Variants in SUMF1 observed in about 807,000 individuals in gnomAD.
SUMF1 encodes the protein formylglycine-generating enzyme.
Under a neutral mutation model 47.6 loss-of-function variants are expected in SUMF1, and 48 were observed. The ratio of observed to expected loss-of-function variants is 1.01; its 90% CI spans 0.80 to 1.28. The LOEUF is 1.28. Ranked by LOEUF, SUMF1 falls within the 50% of genes most tolerant of loss-of-function variation. The probability of loss-of-function intolerance (pLI) is 0.00; values close to 1 mark genes in which losing one functional copy is unlikely to be tolerated. For missense variants in SUMF1, 571 were observed against 485.4 expected (o/e 1.18, Z -1.66); for synonymous variants, 230 against 192.1 (o/e 1.20, Z -1.63).
rs369605106 is a variant in SUMF1, at chr3:4,226,514, C to G, written c.1014+149816G>C. On this transcript the variant is annotated intron_variant and NMD_transcript_variant, in intron 8 of 12. Transcript: ENST00000448413. ...CGATCCCTTGACCTCATGATTTGCC[C>G]ACCTCGGCCTACCAAAGTGCTGGGA... Among the ~76,000 whole-genome samples, 33 of 152,020 alleles carry G rather than the reference C, an allele frequency of 2.2e-4. No individual in the cohort carries two copies. The South Asian group carries it at 6.9e-3, about 32-fold the overall frequency.
chr3:4,369,055 TTTTTTTTA>T (rs1559251397), intron 8 of SUMF1, among the ~76,000 whole-genome samples: 1 of 151,098 alleles, frequency 6.6e-6, no homozygotes. Flanking sequence ...AGGTTTTTTT[TTTTTTTTA>T]AATTATTCTC....
At chr3:4,331,586 G>C (rs1699052543) in intron 8 of SUMF1, among the ~76,000 whole-genome samples, 1 of 152,318 alleles carries the variant, frequency 6.6e-6, no homozygotes, top group East Asian at 1.9e-4. Flanking sequence ...CCAGTAGTTT[G>C]GGAGGCTGAA....
intron 8 of SUMF1, among the ~76,000 whole-genome samples, chr3:4,335,279 A>C (rs1483599409): frequency 1.3e-5 from 2 of 152,148 alleles, no homozygotes; most frequent in Non-Finnish European, 2.9e-5. Context: ...TGATGCCCAA[A>C]CTTAACAAGA....
At chr3:4,102,658 T>C (rs996708327) in intron 8 of SUMF1, among the ~76,000 whole-genome samples, 1 of 152,144 alleles carries the variant, frequency 6.6e-6, no homozygotes, top group African/African-American at 2.4e-5. Context: ...TAGTATTATA[T>C]ATGGAATAAT....
chr3:4,176,414 CAG>C (rs1237700069), intron 8 of SUMF1, among the ~76,000 whole-genome samples: 1 of 152,152 alleles, frequency 6.6e-6, no homozygotes, highest in Non-Finnish European at 1.5e-5. Flanking sequence ...ATTTCCAAAA[CAG>C]AATTTCATAT....
intron 8 of SUMF1, among the ~76,000 whole-genome samples, chr3:4,128,521 C>T (rs1574907904): frequency 6.6e-6 from 1 of 152,098 alleles, no homozygotes; most frequent in Non-Finnish European, 1.5e-5. Flanking sequence ...GTGTTGGCCT[C>T]CCCTGAGGCA....
intron 8 of SUMF1, among the ~76,000 whole-genome samples, chr3:4,234,273 A>T (rs536777736): frequency 1.1e-4 from 16 of 151,884 alleles, no homozygotes; most frequent in Non-Finnish European, 2.2e-4. Flanking sequence ...ATTTTATAGA[A>T]ATAAATTCGC....
intron 8 of SUMF1, among the ~76,000 whole-genome samples, chr3:4,256,029 A>G (rs1559620801): frequency 2.7e-5 from 4 of 150,894 alleles, no homozygotes; most frequent in East Asian, 3.9e-4. Context: ...GGTACATAAT[A>G]AAATGAAGGC....
chr3:4,227,886 A>G (rs1003181750), intron 8 of SUMF1, among the ~76,000 whole-genome samples: 10 of 152,166 alleles, frequency 6.6e-5, no homozygotes, highest in Admixed American at 3.9e-4. Context: ...ATTGCAAATA[A>G]TCATTATGAA....
chr3:4,357,410 G>T (rs915587606), downstream of SUMF1, among the ~76,000 whole-genome samples: 6 of 151,372 alleles, frequency 4.0e-5, no homozygotes, highest in African/African-American at 1.2e-4. Flanking sequence ...GATCTATTTG[G>T]AAAAGGTGAT....
chr3:4,148,635 G>C (rs959881419), intron 8 of SUMF1, among the ~76,000 whole-genome samples: 2 of 152,110 alleles, frequency 1.3e-5, no homozygotes, highest in Non-Finnish European at 2.9e-5. Context: ...ACTCATCTCT[G>C]ACATTGTAGT....
intron 9 of SUMF1, among the ~76,000 whole-genome samples, chr3:4,043,469 C>T (rs928270715): frequency 1.3e-5 from 2 of 152,002 alleles, no homozygotes; most frequent in African/African-American, 4.8e-5. Context: ...ACCACCTGTC[C>T]CCAATTCCTC....
At chr3:4,270,561 G>C (rs376587759) in intron 8 of SUMF1, among the ~76,000 whole-genome samples, 2 of 152,070 alleles carry the variant, frequency 1.3e-5, no homozygotes, top group African/African-American at 4.8e-5. Flanking sequence ...CATAACAAGG[G>C]TATATATTTA....
intron 8 of SUMF1, among the ~76,000 whole-genome samples, chr3:4,350,826 A>G (rs1484610351): frequency 2.0e-5 from 3 of 152,050 alleles, no homozygotes; most frequent in South Asian, 2.1e-4. Context: ...TGTTTCACCT[A>G]TGGAATAAAA....
chr3:4,369,230 T>A (rs1559251603), intron 8 of SUMF1, among the ~76,000 whole-genome samples: 1 of 152,174 alleles, frequency 6.6e-6, no homozygotes, highest in South Asian at 2.1e-4. Flanking sequence ...ATTTTCCTTG[T>A]GGTCAGTGAA....
At chr3:4,427,198 T>C (rs959580788) in intron 3 of SUMF1, among the ~76,000 whole-genome samples, 9 of 152,228 alleles carry the variant, frequency 5.9e-5, no homozygotes, top group Admixed American at 2.6e-4. Flanking sequence ...AGATGTCAAG[T>C]GCACAACTTT....
At chr3:4,221,746 G>A (rs998480173) in intron 8 of SUMF1, among the ~76,000 whole-genome samples, 2 of 152,122 alleles carry the variant, frequency 1.3e-5, no homozygotes, top group African/African-American at 4.8e-5. Context: ...ATCTGTGAGA[G>A]GAAGGTGGAT....
intron 9 of SUMF1, among the ~76,000 whole-genome samples, chr3:4,061,635 T>C (rs1280984471): frequency 1.3e-5 from 2 of 152,100 alleles, no homozygotes; most frequent in Admixed American, 6.6e-5. Context: ...CAGCAAGAAC[T>C]AGACCAAACT....
chr3:4,061,928 A>T (rs888570582), intron 9 of SUMF1, among the ~76,000 whole-genome samples: 2 of 152,048 alleles, frequency 1.3e-5, no homozygotes, highest in Admixed American at 1.3e-4. Flanking sequence ...GGTAATGATG[A>T]TGCTATAGCC....
Sources: allele counts gnomAD v4.1 joint callset (sites outside exome capture counted in the v4.1 genomes callset), GRCh38; gene constraint gnomAD v4.1.1; transcripts MANE v1.5; gene names NCBI Gene and HGNC (gene_info 2026-07-23, HGNC 2026-07-21).